Variants in PTPRM observed in about 807,000 individuals in gnomAD.
PTPRM encodes the protein receptor-type tyrosine-protein phosphatase mu.
In PTPRM, 47 loss-of-function variants were observed where a neutral mutation model predicts 186.7. The ratio of observed to expected loss-of-function variants is 0.25; its 90% confidence interval spans 0.20 to 0.32. The LOEUF is 0.32. Among genes scored for constraint, PTPRM ranks in the 10% least tolerant of loss-of-function variants. PTPRM has a pLI of 1.00. For missense variants in PTPRM, 1,494 were observed against 1,865.0 expected (o/e 0.80, Z 3.66); for synonymous variants, 668 against 674.9 (o/e 0.99, Z 0.16).
rs562661041 is a variant in PTPRM at position 7,740,084 on chromosome 18, G to A, written c.74-34065G>A. 3.9e-5 allele frequency among the ~76,000 whole-genome samples: 6 copies of A among 152,344 alleles called. No individual in the cohort carries two copies. The East Asian group carries it at 9.6e-4, about 24-fold the overall frequency. On this transcript the variant is annotated intron_variant, in intron 1 of 32. Transcript: ENST00000580170. ...TAGCTGCATGTGGCTGGTGGGGACTGTATGGAACAGTACTGAACATTTCTA... is the reference window on the plus strand; with the variant it reads ...TAGCTGCATGTGGCTGGTGGGGACTATATGGAACAGTACTGAACATTTCTA...
intron 7 of PTPRM, among the ~76,000 whole-genome samples, chr18:8,068,822 G>A (rs747591511): frequency 4.6e-5 from 7 of 151,964 alleles, no homozygotes; most frequent in South Asian, 2.1e-4. Flanking sequence ...TATTTTGGCC[G>A]GGTGTGGTGG....
chr18:7,653,302 A>G (rs1476085821), intron 1 of PTPRM, among the ~76,000 whole-genome samples: 1 of 151,888 alleles, frequency 6.6e-6, no homozygotes, highest in Non-Finnish European at 1.5e-5. Flanking sequence ...ATGCACCACC[A>G]CACTTGGCTA....
In PTPRM at chr18:7,749,993, C is replaced by T. The variant is rs1598496706; in HGVS notation, c.74-24156C>T. Among the ~76,000 whole-genome samples, 4 of 152,166 alleles carry T rather than the reference C, an allele frequency of 2.6e-5. No individual in the cohort carries two copies. In the South Asian group the frequency reaches 8.3e-4, roughly 32 times the overall value. ...TATAATGACACATAACGTTGGTTAA[C>T]TTGGTTTTTTGACTCCCTAAGCAAA... On this transcript the variant is annotated intron_variant, in intron 1 of 32. Coordinates refer to ENST00000580170, the MANE Select transcript of PTPRM (RefSeq NM_001105244.2).
intron 2 of PTPRM, among the ~76,000 whole-genome samples, chr18:7,774,602 C>T (rs995508746): frequency 6.6e-6 from 1 of 152,156 alleles, no homozygotes; most frequent in African/African-American, 2.4e-5. Context: ...GTTAGAACTC[C>T]AGTTGGGGAA....
intron 1 of PTPRM, among the ~76,000 whole-genome samples, chr18:7,606,685 C>G (rs2037538516): frequency 6.6e-6 from 1 of 152,112 alleles, no homozygotes; most frequent in Admixed American, 6.5e-5. Flanking sequence ...TGTTATTTGG[C>G]TAATTTGTAT....
chr18:8,020,405 T>C (rs1010539008), intron 7 of PTPRM, among the ~76,000 whole-genome samples: 3 of 152,176 alleles, frequency 2.0e-5, no homozygotes, highest in African/African-American at 4.8e-5. Flanking sequence ...ATGCATGTGG[T>C]CAAGAAGAAT....
intron 14 of PTPRM, among the ~76,000 whole-genome samples, chr18:8,240,677 GAAAA>G (rs869202663): frequency 1.4e-4 from 11 of 80,146 alleles, no homozygotes; most frequent in Non-Finnish European, 1.8e-4. Context: ...AAGAAAGAAA[GAAAA>G]AGAAAGAGAG....
At chr18:8,173,368 T>C (rs2192194) in intron 14 of PTPRM, among the ~76,000 whole-genome samples, 50,428 of 152,116 alleles carry the variant, frequency 0.33, 8,492 homozygotes, top group Non-Finnish European at 0.37. Context: ...TTCTTAACAC[T>C]TGGTAAAACC....
intron 14 of PTPRM, among the ~76,000 whole-genome samples, chr18:8,241,002 G>T (rs2094429456): frequency 6.6e-6 from 1 of 152,142 alleles, no homozygotes; most frequent in Admixed American, 6.6e-5. Flanking sequence ...AAAGCATATT[G>T]AACTTGGGGG....
At chr18:7,658,275 T>C (rs1220757524) in intron 1 of PTPRM, among the ~76,000 whole-genome samples, 3 of 150,122 alleles carry the variant, frequency 2.0e-5, no homozygotes, top group Admixed American at 1.3e-4. Flanking sequence ...GCATGATCCC[T>C]AGAAAGCCTG....
intron 2 of PTPRM, among the ~76,000 whole-genome samples, chr18:7,871,761 A>G (rs953419032): frequency 3.9e-5 from 6 of 152,182 alleles, no homozygotes; most frequent in African/African-American, 1.2e-4. Context: ...TGAACGAGGG[A>G]GGTGTTCACA....
intron 15 of PTPRM, among the ~76,000 whole-genome samples, chr18:8,244,568 C>G (rs2094460701): frequency 6.6e-6 from 1 of 152,164 alleles, no homozygotes; most frequent in Non-Finnish European, 1.5e-5. Flanking sequence ...ACATGGGAAG[C>G]CTGTTATAAA....
chr18:7,786,735 C>A (rs1330799651), intron 2 of PTPRM, among the ~76,000 whole-genome samples: 1 of 152,192 alleles, frequency 6.6e-6, no homozygotes, highest in East Asian at 1.9e-4. Context: ...AACAAAACAT[C>A]CCTTAGTTCC....
intron 14 of PTPRM, among the ~76,000 whole-genome samples, chr18:8,238,381 C>G (rs1386356344): frequency 4.6e-5 from 7 of 152,196 alleles, no homozygotes; most frequent in African/African-American, 1.4e-4. Context: ...TCAACCATTT[C>G]CAGTCTGCTA....
At chr18:8,085,167 A>G (rs527477333) in intron 9 of PTPRM, among the ~76,000 whole-genome samples, 1 of 152,202 alleles carries the variant, frequency 6.6e-6, no homozygotes, top group African/African-American at 2.4e-5. Flanking sequence ...AGCATCAGGA[A>G]TGACTGGAAT....
chr18:7,812,067 T>G (rs565722333), intron 2 of PTPRM, among the ~76,000 whole-genome samples: 1 of 152,264 alleles, frequency 6.6e-6, no homozygotes, highest in East Asian at 1.9e-4. Flanking sequence ...AAAAAATGAA[T>G]TAAATCCCCT....
At chr18:7,818,922 T>C (rs963943164) in intron 2 of PTPRM, among the ~76,000 whole-genome samples, 1 of 152,178 alleles carries the variant, frequency 6.6e-6, no homozygotes, top group Admixed American at 6.5e-5. Context: ...GAGAGGATTA[T>C]AGACAGAGCC....
chr18:7,671,401 C>G (rs1050346617), intron 1 of PTPRM, among the ~76,000 whole-genome samples: 4 of 152,188 alleles, frequency 2.6e-5, no homozygotes, highest in Admixed American at 1.3e-4. Flanking sequence ...GCCTCTCCCC[C>G]TTTTCTTCCT....
At chr18:7,688,680 G>A (rs1054013169) in intron 1 of PTPRM, among the ~76,000 whole-genome samples, 1 of 152,194 alleles carries the variant, frequency 6.6e-6, no homozygotes, top group Non-Finnish European at 1.5e-5. Flanking sequence ...GGGATTTGCT[G>A]TAAGGTGACA....
Sources: allele counts gnomAD v4.1 joint callset (sites outside exome capture counted in the v4.1 genomes callset), GRCh38; gene constraint gnomAD v4.1.1; transcripts MANE v1.5; gene names NCBI Gene and HGNC (gene_info 2026-07-23, HGNC 2026-07-21).